The following GALNTL6 variants were observed in gnomAD, a reference collection of about 807,000 sequenced individuals.
GALNTL6 encodes the protein polypeptide N-acetylgalactosaminyltransferase like 6.
GALNTL6 carries 46 observed loss-of-function variants against 73.7 expected under a neutral mutation model. The ratio of observed to expected loss-of-function variants is 0.62; its 90% CI spans 0.49 to 0.80. The LOEUF is 0.80. GALNTL6 is among the 30% of genes least tolerant of loss of function. GALNTL6 has a pLI of 0.00. For synonymous variants in GALNTL6, 259 were observed against 263.7 expected (o/e 0.98, Z 0.17); for missense variants, 604 against 755.0 (o/e 0.80, Z 2.34).
rs146444944 is a variant in GALNTL6, at chr4:172,393,232, G to GA, written c.553+44544dup. 3.7e-3 allele frequency among the ~76,000 whole-genome samples: 558 copies of GA among 152,262 alleles called. 14 individuals carry two copies. In the East Asian group the frequency reaches 0.075, roughly 20 times the overall value. ...ATTATAACTTTGTGATAGAACATGT[G>GA]AGTGTCTATCCCTTAGGAGAAAACA... is the stretch of plus-strand genomic sequence containing the variant. On this transcript the variant is annotated intron_variant, in intron 5 of 12. Coordinates refer to ENST00000506823, the MANE Select transcript of GALNTL6 (RefSeq NM_001034845.3).
rs1738800549 is a variant in GALNTL6, at chr4:171,949,411, C to A, written c.138+134693C>A. Among the ~76,000 whole-genome samples the A allele has an allele frequency of 2.6e-5, 4 of 152,200 alleles. No individual in the cohort carries two copies. In the South Asian group the frequency reaches 8.3e-4, roughly 32 times the overall value. ...GCTAGGGGAAGAAATAAATACAAAT[C>A]CTCTCTGAAGCTAAGCAACAACAAT... On this transcript the variant is annotated intron_variant, in intron 2 of 12. Coordinates refer to ENST00000506823, the MANE Select transcript of GALNTL6 (RefSeq NM_001034845.3).
intron 10 of GALNTL6, among the ~76,000 whole-genome samples, chr4:173,003,919 T>G (rs954616110): frequency 6.6e-6 from 1 of 152,200 alleles, no homozygotes; most frequent in Non-Finnish European, 1.5e-5. Context: ...GTCTTCAGAG[T>G]AATGTCTCCC....
At chr4:171,974,358 G>A (rs1339846769) in intron 2 of GALNTL6, among the ~76,000 whole-genome samples, 2 of 152,058 alleles carry the variant, frequency 1.3e-5, no homozygotes, top group African/African-American at 4.8e-5. Context: ...AGCTGAAGTC[G>A]ACCATTTATT....
intron 4 of GALNTL6, among the ~76,000 whole-genome samples, chr4:172,322,432 A>G (rs1257289862): frequency 3.3e-5 from 5 of 152,144 alleles, no homozygotes; most frequent in Admixed American, 3.3e-4. Context: ...AGACAAATAG[A>G]GATTATGGAA....
intron 7 of GALNTL6, among the ~76,000 whole-genome samples, chr4:172,845,981 C>T (rs1320863418): frequency 6.6e-6 from 1 of 152,152 alleles, no homozygotes. Context: ...AAGATTTATA[C>T]ACAAATAACG....
intron 5 of GALNTL6, among the ~76,000 whole-genome samples, chr4:172,430,061 A>G (rs1480929742): frequency 6.6e-6 from 1 of 151,948 alleles, no homozygotes; most frequent in African/African-American, 2.4e-5. Flanking sequence ...TTCTTGAGCA[A>G]AATATATATG....
chr4:171,872,648 C>G (rs1239661117), intron 2 of GALNTL6, among the ~76,000 whole-genome samples: 1 of 152,168 alleles, frequency 6.6e-6, no homozygotes, highest in African/African-American at 2.4e-5. Flanking sequence ...TTCCAGGCCT[C>G]TCTTCTAGTT....
chr4:172,330,511 T>C (rs1375351844), intron 4 of GALNTL6, among the ~76,000 whole-genome samples: 2 of 152,226 alleles, frequency 1.3e-5, no homozygotes, highest in Non-Finnish European at 2.9e-5. Flanking sequence ...TGTACCTGGC[T>C]ATTTCAGCTG....
intron 2 of GALNTL6, among the ~76,000 whole-genome samples, chr4:171,911,285 A>G (rs1737469357): frequency 6.6e-6 from 1 of 152,080 alleles, no homozygotes; most frequent in South Asian, 2.1e-4. Flanking sequence ...TCAGCCTCCC[A>G]AGTAGCTGGG....
chr4:172,208,313 A>G (rs1736211305), intron 2 of GALNTL6, among the ~76,000 whole-genome samples: 1 of 152,216 alleles, frequency 6.6e-6, no homozygotes, highest in South Asian at 2.1e-4. Flanking sequence ...ATGAAGTCAG[A>G]CAATTATATA....
intron 5 of GALNTL6, among the ~76,000 whole-genome samples, chr4:172,385,079 A>G (rs1367075598): frequency 2.1e-5 from 3 of 141,172 alleles, no homozygotes; most frequent in Non-Finnish European, 3.1e-5. Context: ...TTTAATTTTC[A>G]TACGTTTCAA....
Position 172,117,391 on chromosome 4 carries a change from T to A in GALNTL6, c.139-112265T>A, listed in dbSNP as rs187744039. 1.9e-4 allele frequency among the ~76,000 whole-genome samples: 29 copies of A among 152,322 alleles called. 1 individual carries two copies. The East Asian group carries it at 5.6e-3, about 29-fold the overall frequency. On this transcript the variant is annotated intron_variant, in intron 2 of 12. Coordinates refer to ENST00000506823, the MANE Select transcript of GALNTL6 (RefSeq NM_001034845.3). ...AAACAATGAAACACTGAGTCCTTAT[T>A]ATGTGACAGGCACGCTTATAAAGGC...
At chr4:172,103,906 C>G (rs1401430653) in intron 2 of GALNTL6, among the ~76,000 whole-genome samples, 1 of 151,224 alleles carries the variant, frequency 6.6e-6, no homozygotes, top group African/African-American at 2.4e-5. Flanking sequence ...TGGGGCTACA[C>G]CAAAAACTAG....
chr4:172,760,755 C>A (rs535502193), intron 5 of GALNTL6, among the ~76,000 whole-genome samples: 20 of 152,188 alleles, frequency 1.3e-4, no homozygotes, highest in African/African-American at 4.8e-4. Context: ...GGACCCTGAT[C>A]CCTCGCCCCA....
chr4:172,451,282 T>G (rs1188029816), intron 5 of GALNTL6, among the ~76,000 whole-genome samples: 1 of 152,234 alleles, frequency 6.6e-6, no homozygotes, highest in African/African-American at 2.4e-5. Flanking sequence ...ATCCCATTTG[T>G]TTCCTGTATT....
At position 172,000,693 on chromosome 4, in the gene GALNTL6, C is replaced by T. The variant is rs143469540; in HGVS notation, c.138+185975C>T. 2.4e-3 allele frequency among the ~76,000 whole-genome samples: 367 copies of T among 152,242 alleles called. 1 individual carries two copies. The highest frequency in any genetic ancestry group is 4.1e-3 in the Non-Finnish European group (282 of 68,010). Reference sequence around the variant, plus strand: ...TGTTATGGTAAGAAAAATATATCCACAGACACCTGTGCCTTGTTTCTAAAT... The same window carrying T: ...TGTTATGGTAAGAAAAATATATCCATAGACACCTGTGCCTTGTTTCTAAAT... On this transcript the variant is annotated intron_variant, in intron 2 of 12. Transcript: ENST00000506823.
intron 5 of GALNTL6, among the ~76,000 whole-genome samples, chr4:172,739,163 G>A (rs903629102): frequency 4.6e-5 from 7 of 152,204 alleles, no homozygotes; most frequent in Non-Finnish European, 7.3e-5. Flanking sequence ...AGTCCATTTA[G>A]ATGGTTGGAG....
intron 2 of GALNTL6, among the ~76,000 whole-genome samples, chr4:172,048,881 G>T (rs979265077): frequency 2.6e-5 from 4 of 152,086 alleles, no homozygotes; most frequent in Non-Finnish European, 5.9e-5. Context: ...TATTTTGGCT[G>T]GAAATTTGTA....
chr4:172,933,123 A>C (rs1332827293), intron 9 of GALNTL6, among the ~76,000 whole-genome samples: 1 of 152,196 alleles, frequency 6.6e-6, no homozygotes, highest in Non-Finnish European at 1.5e-5. Context: ...AAATGATTGA[A>C]CAATTTAGAG....
Sources: gnomAD v4.1 joint callset for allele counts (sites outside exome capture counted in the v4.1 genomes callset) on GRCh38, gnomAD v4.1.1 for gene constraint, MANE v1.5 for transcripts, NCBI Gene and HGNC (gene_info 2026-07-23, HGNC 2026-07-21) for gene names.